Variants in LAMA2 observed in about 807,000 individuals in gnomAD.
The protein encoded by LAMA2 is laminin subunit alpha 2.
A neutral mutation model predicts 364.8 loss-of-function variants in LAMA2; 269 were observed. The observed-to-expected ratio is 0.74, with a 90% CI of 0.67 to 0.82. The LOEUF (loss-of-function observed/expected upper bound fraction) is 0.82. LAMA2 is among the 40% of genes least tolerant of loss of function. LAMA2 has a pLI of 0.00. For synonymous variants in LAMA2, 1,379 were observed against 1,370.6 expected (o/e 1.01, Z -0.14); for missense variants, 3,807 against 3,873.2 (o/e 0.98, Z 0.45).
At chr6:129,465,743 A>G (rs1783509910) in intron 51 of LAMA2, among the ~76,000 whole-genome samples, 1 of 151,958 alleles carries the variant, frequency 6.6e-6, no homozygotes. Context: ...TAGTAACATG[A>G]CATGTTTATG....
chr6:129,216,605 CAGAGGGCT>C (rs1783438364), intron 12 of LAMA2, among the ~76,000 whole-genome samples: 1 of 152,100 alleles, frequency 6.6e-6, no homozygotes, highest in African/African-American at 2.4e-5. Flanking sequence ...TGTTGAATCA[CAGAGGGCT>C]ATATGAGATC....
At chr6:129,082,013 A>G (rs903096903) in intron 3 of LAMA2, among the ~76,000 whole-genome samples, 4 of 152,124 alleles carry the variant, frequency 2.6e-5, no homozygotes, top group Non-Finnish European at 4.4e-5. Context: ...CAATCAAAAT[A>G]TTCCTAAAAA....
At chr6:129,450,040 G>A (rs1277221653) in intron 45 of LAMA2, among the ~76,000 whole-genome samples, 1 of 151,536 alleles carries the variant, frequency 6.6e-6, no homozygotes, top group South Asian at 2.1e-4. Flanking sequence ...TCTTGACCTC[G>A]TGATCCGCCT....
chr6:129,513,190 C>T (rs1045388570), intron 63 of LAMA2, among the ~76,000 whole-genome samples: 14 of 152,246 alleles, frequency 9.2e-5, no homozygotes, highest in African/African-American at 3.4e-4. Context: ...CTTAGTGTTG[C>T]CTCCCAAGAA....
rs368010830 is a variant in LAMA2 at position 129,502,804 on chromosome 6, C to G, written c.8357+33C>G. 4 of 1,343,530 alleles carry G rather than the reference C, an allele frequency of 3.0e-6. No individual in the cohort carries two copies. In the East Asian group the frequency reaches 9.2e-5, roughly 31 times the overall value. The allele number at this position is 1,343,530 out of a possible 1,614,324, so 83.2% of individuals were successfully genotyped here. On this transcript the variant is annotated intron_variant, in intron 59 of 64. Coordinates refer to ENST00000421865, the MANE Select transcript of LAMA2 (RefSeq NM_000426.4). ...TCATCCTGAGACACTGGGAAAGAAC[C>G]GATAAATGAAGAACTGAGTATTTGT...
chr6:129,225,322 A>G (rs1410484209), intron 12 of LAMA2, among the ~76,000 whole-genome samples: 1 of 151,236 alleles, frequency 6.6e-6, no homozygotes, highest in Admixed American at 6.6e-5. Context: ...GTTTTTTGTG[A>G]CTCTATCTCC....
At chr6:129,513,144 T>C (rs1786737059) in intron 63 of LAMA2, among the ~76,000 whole-genome samples, 1 of 152,228 alleles carries the variant, frequency 6.6e-6, no homozygotes, top group Admixed American at 6.5e-5. Flanking sequence ...GGTTATTAAA[T>C]AGGAATCGTA....
intron 56 of LAMA2, among the ~76,000 whole-genome samples, chr6:129,486,828 A>C (rs1259116648): frequency 6.6e-6 from 1 of 152,022 alleles, no homozygotes; most frequent in East Asian, 1.9e-4. Context: ...TACCCTTAAC[A>C]TTTTTATTCG....
chr6:129,112,587 G>A (rs149447536), intron 4 of LAMA2, among the ~76,000 whole-genome samples: 1 of 151,976 alleles, frequency 6.6e-6, no homozygotes, highest in East Asian at 1.9e-4. Flanking sequence ...AATAAATATT[G>A]AGCACTGTCT....
At chr6:129,078,549 T>C (rs1250254458) in intron 3 of LAMA2, among the ~76,000 whole-genome samples, 2 of 152,146 alleles carry the variant, frequency 1.3e-5, no homozygotes, top group Admixed American at 6.6e-5. Flanking sequence ...TGTCAAAGAT[T>C]ATCTATTTTT....
At chr6:129,166,711 G>A (rs1779762915) in intron 9 of LAMA2, among the ~76,000 whole-genome samples, 2 of 151,970 alleles carry the variant, frequency 1.3e-5, no homozygotes, top group South Asian at 4.1e-4. Flanking sequence ...AATAAAAATG[G>A]AAAAGTAGAA....
intron 1 of LAMA2, among the ~76,000 whole-genome samples, chr6:129,013,941 G>A (rs549956987): frequency 6.6e-5 from 10 of 152,128 alleles, no homozygotes; most frequent in Non-Finnish European, 8.8e-5. Flanking sequence ...GATGTTTTAG[G>A]CAGCTGGAAT....
intron 27 of LAMA2, among the ~76,000 whole-genome samples, chr6:129,318,005 A>C (rs931123729): frequency 6.6e-6 from 1 of 151,976 alleles, no homozygotes; most frequent in Non-Finnish European, 1.5e-5. Context: ...GAAACTTTAG[A>C]ATACATTTTT....
At chr6:129,020,386 C>T (rs1046215564) in intron 1 of LAMA2, among the ~76,000 whole-genome samples, 2 of 152,116 alleles carry the variant, frequency 1.3e-5, no homozygotes, top group African/African-American at 4.8e-5. Flanking sequence ...AAAAGGCATA[C>T]ACATTCATTA....
chr6:128,939,993 T>C (rs1198671253), intron 1 of LAMA2, among the ~76,000 whole-genome samples: 4 of 152,184 alleles, frequency 2.6e-5, no homozygotes, highest in African/African-American at 9.6e-5. Context: ...TGCAAAAGTT[T>C]ACAGTGGTCT....
At chr6:129,053,046 A>G (rs1403537511) in intron 2 of LAMA2, among the ~76,000 whole-genome samples, 3 of 151,710 alleles carry the variant, frequency 2.0e-5, no homozygotes, top group Admixed American at 6.6e-5. Flanking sequence ...CCTATTAATG[A>G]CTCTGGTTAA....
rs1240538348 is a variant in LAMA2 at position 129,315,541 on chromosome 6, C to T, written c.3621C>T (p.Thr1207=). Residue 1207 remains threonine (T), a synonymous_variant, in exon 25 of 65, where the codon ACC becomes ACT. Transcript: ENST00000421865. The stretch of plus-strand genomic sequence containing the variant: ...ATGAGGCTCTGCAGCACACGACCAC[C>T]AAGGGCATTGTTTTTCAACATCCAG... ...LVDEALQHTT[T]KGIVFQHPEI... The T allele has an allele frequency of 6.2e-7, 1 of 1,614,050 alleles. No individual in the cohort carries two copies. Among genetic ancestry groups the T allele is most frequent in the Admixed American group, 1.7e-5 (1 of 60,008 alleles).
intron 35 of LAMA2, among the ~76,000 whole-genome samples, chr6:129,389,836 A>G (rs1779221677): frequency 6.6e-6 from 1 of 152,166 alleles, no homozygotes; most frequent in Admixed American, 6.5e-5. Context: ...GTTTGCTCCC[A>G]TGATTCAGTC....
intron 31 of LAMA2, among the ~76,000 whole-genome samples, chr6:129,350,509 G>A (rs1259832506): frequency 2.0e-5 from 3 of 152,164 alleles, no homozygotes; most frequent in Non-Finnish European, 4.4e-5. Context: ...CAAAAGTCCA[G>A]CTCTTTGGCC....
Sources: allele counts gnomAD v4.1 joint callset (sites outside exome capture counted in the v4.1 genomes callset), GRCh38; gene constraint gnomAD v4.1.1; transcripts MANE v1.5; gene names NCBI Gene and HGNC (gene_info 2026-07-23, HGNC 2026-07-21).